The following PPP2R2D variants were observed in gnomAD, a reference collection of about 807,000 sequenced individuals.
PPP2R2D encodes the protein serine/threonine-protein phosphatase 2A 55 kDa regulatory subunit B delta isoform.
In PPP2R2D, 9 loss-of-function variants were observed where a neutral mutation model predicts 31.1. The ratio of observed to expected loss-of-function variants is 0.29; its 90% CI spans 0.17 to 0.51. The LOEUF (loss-of-function observed/expected upper bound fraction) is 0.51, where lower values mean the gene tolerates loss of function less well. Among genes scored for constraint, PPP2R2D ranks in the 20% least tolerant of loss-of-function variants. PPP2R2D has a pLI of 0.98. For synonymous variants in PPP2R2D, 179 were observed against 172.6 expected, an observed-to-expected ratio of 1.04 and a Z score of -0.29; for missense variants, 391 against 465.6, an observed-to-expected ratio of 0.84 and a Z score of 1.48.
chr10:131,951,597 C>T lies in PPP2R2D; in HGVS notation c.1082+3806C>T, dbSNP rs188444292. Among the ~76,000 whole-genome samples, 29 of 152,188 alleles carry T rather than the reference C, an allele frequency of 1.9e-4. No individual in the cohort carries two copies. The East Asian group carries it at 3.1e-3, about 16-fold the overall frequency. On this transcript the variant is annotated intron_variant, in intron 8 of 8. Transcript: ENST00000455566. ...CAGCACTTTGGGAGGCTGAGGAGGG[C>T]GGATCACGAGGTCAGGAGTTCGAGA...
intron 2 of PPP2R2D, among the ~76,000 whole-genome samples, chr10:131,910,930 A>AGGGGG (rs1288029121): frequency 6.6e-5 from 10 of 152,250 alleles, no homozygotes; most frequent in Admixed American, 6.5e-4. Flanking sequence ...ATGTTTCTGG[A>AGGGGG]GGGGGGCCCA....
intron 8 of PPP2R2D, among the ~76,000 whole-genome samples, chr10:131,951,747 G>C (rs2036639674): frequency 6.6e-6 from 1 of 152,132 alleles, no homozygotes. Flanking sequence ...TTGAACCTTG[G>C]AGGTGGAGGT....
At chr10:131,937,894 C>T (rs1190443612) in intron 3 of PPP2R2D, among the ~76,000 whole-genome samples, 2 of 152,156 alleles carry the variant, frequency 1.3e-5, no homozygotes, top group Non-Finnish European at 2.9e-5. Flanking sequence ...CAACATCTGC[C>T]CCGTGCAGCA....
In PPP2R2D at chr10:131,945,581, T is replaced by G; in HGVS notation, c.820+122T>G. On this transcript the variant is annotated intron_variant, in intron 7 of 8. Transcript: ENST00000455566. The surrounding 1 kb of genome is among the most constrained non-coding windows in gnomAD (Gnocchi z 4.8). ...TTCCAGCAAGTCTTCTGCCTCGGCC[T>G]CCCGAGTAGCTGGGACCACAGGCAG... The G allele has an allele frequency of 4.2e-6, 5 of 1,189,278 alleles. No homozygotes were observed. Among genetic ancestry groups the G allele is most frequent in the Non-Finnish European group, 4.6e-6 (4 of 866,236 alleles). The allele number at this position is 1,189,278 out of a possible 1,614,324, so 73.7% of individuals were successfully genotyped here.
intron 2 of PPP2R2D, among the ~76,000 whole-genome samples, chr10:131,928,315 G>A (rs112151554): frequency 6.6e-5 from 10 of 152,284 alleles, no homozygotes; most frequent in African/African-American, 1.9e-4. Flanking sequence ...CAGTGGCCTC[G>A]CGAGCAGCAC....
intron 2 of PPP2R2D, among the ~76,000 whole-genome samples, chr10:131,902,207 A>G (rs1589916761): frequency 6.6e-6 from 1 of 152,184 alleles, no homozygotes; most frequent in East Asian, 1.9e-4. Context: ...AGTCATAGTG[A>G]CTTTTTTGTT....
intron 8 of PPP2R2D, among the ~76,000 whole-genome samples, chr10:131,950,034 C>T (rs1484553396): frequency 4.0e-5 from 6 of 150,262 alleles, no homozygotes; most frequent in South Asian, 2.1e-4. Context: ...CCAAACATGA[C>T]GTGGAGACTG....
At chr10:131,941,368 A>G (rs1554897215) in intron 5 of PPP2R2D, among the ~76,000 whole-genome samples, 1 of 152,230 alleles carries the variant, frequency 6.6e-6, no homozygotes. Flanking sequence ...ATGTTGTCTT[A>G]AATTAGATGG....
Position 131,947,751 on chromosome 10 carries a change from A to G in PPP2R2D, c.1042A>G (p.Ile348Val), listed in dbSNP as rs2036567789. 1 of 1,614,216 alleles carries G rather than the reference A, an allele frequency of 6.2e-7. No homozygotes were observed. Among genetic ancestry groups the G allele is most frequent in the Non-Finnish European group, 8.5e-7 (1 of 1,180,036 alleles). ...CTGCTCTCTCTATGAGAACGACTGC[A>G]TCTTTGACAAGTTTGAGTGTTGCTG... is the stretch of plus-strand genomic sequence containing the variant. ...KLCSLYENDC[I>V]FDKFECCWNG... Residue 348 changes from isoleucine (I) to valine (V), a missense_variant, in exon 8 of 9, where the codon ATC (isoleucine) becomes GTC (valine). Transcript: ENST00000455566. The surrounding 1 kb of genome is among the most constrained non-coding windows in gnomAD (Gnocchi z 4.3).
chr10:131,961,243 G>A (rs1297634381), downstream of PPP2R2D, among the ~76,000 whole-genome samples: 1 of 152,226 alleles, frequency 6.6e-6, no homozygotes, highest in Non-Finnish European at 1.5e-5. Context: ...CTCCGAGGGG[G>A]CTGCCTGCCA....
At chr10:131,902,433 A>G (rs1248682241) in intron 2 of PPP2R2D, among the ~76,000 whole-genome samples, 1 of 152,094 alleles carries the variant, frequency 6.6e-6, no homozygotes, top group African/African-American at 2.4e-5. Context: ...GGTTTGGCAC[A>G]TGACCCCTGA....
intron 8 of PPP2R2D, among the ~76,000 whole-genome samples, chr10:131,949,961 A>G (rs1160074045): frequency 8.0e-5 from 1 of 12,544 alleles, no homozygotes; most frequent in Non-Finnish European, 1.4e-4. Flanking sequence ...ACCGCCAAAC[A>G]TGACGTGGAG....
At chr10:131,920,064 C>G (rs1197717928) in intron 2 of PPP2R2D, among the ~76,000 whole-genome samples, 2 of 148,736 alleles carry the variant, frequency 1.3e-5, no homozygotes, top group African/African-American at 5.0e-5. Context: ...GGTGGAATGA[C>G]ACAGTGTTTG....
At chr10:131,906,358 T>C (rs1396823441) in intron 2 of PPP2R2D, among the ~76,000 whole-genome samples, 3 of 152,216 alleles carry the variant, frequency 2.0e-5, no homozygotes, top group Admixed American at 2.0e-4. Flanking sequence ...TTTGCTTTAA[T>C]CAGTTTCTTA....
intron 2 of PPP2R2D, among the ~76,000 whole-genome samples, chr10:131,928,480 G>A (rs1158848427): frequency 6.6e-6 from 1 of 152,236 alleles, no homozygotes; most frequent in African/African-American, 2.4e-5. Context: ...TTTAAGTACT[G>A]TATCTTTTTT....
intron 2 of PPP2R2D, among the ~76,000 whole-genome samples, chr10:131,916,650 C>A (rs1197494687): frequency 6.7e-6 from 1 of 149,714 alleles, no homozygotes; most frequent in Non-Finnish European, 1.5e-5. Flanking sequence ...GGACCTCAGG[C>A]GGGTGGAATG....
At chr10:131,966,048 G>T in the PPP2R2D span, among the ~76,000 whole-genome samples, 2 of 152,310 alleles carry the variant, frequency 1.3e-5, no homozygotes, top group South Asian at 4.1e-4. Flanking sequence ...TGTGCATGTA[G>T]AAGTTTCTAG....
At chr10:131,926,659 T>C (rs1365987369) in intron 2 of PPP2R2D, among the ~76,000 whole-genome samples, 1 of 152,230 alleles carries the variant, frequency 6.6e-6, no homozygotes, top group Non-Finnish European at 1.5e-5. Context: ...TTTCTGCATA[T>C]GTACTAAATT....
downstream of PPP2R2D, among the ~76,000 whole-genome samples, chr10:131,962,002 C>T (rs2036926807): frequency 1.3e-5 from 2 of 152,240 alleles, no homozygotes; most frequent in Non-Finnish European, 2.9e-5. Context: ...CCCAGCAAGG[C>T]AGCTGGCCAG....
Sources: allele counts gnomAD v4.1 joint callset (sites outside exome capture counted in the v4.1 genomes callset), GRCh38; gene constraint gnomAD v4.1.1; non-coding constraint Gnocchi (gnomAD v3.1); transcripts MANE v1.5; gene names NCBI Gene and HGNC (gene_info 2026-07-23, HGNC 2026-07-21).